The following METTL21A variants were observed in gnomAD, a reference collection of about 807,000 sequenced individuals.
The protein encoded by METTL21A is methyltransferase 21A, HSPA lysine.
A neutral mutation model predicts 20.9 loss-of-function variants in METTL21A; 22 were observed. The observed-to-expected ratio is 1.05, with a 90% CI of 0.75 to 1.50. The LOEUF (loss-of-function observed/expected upper bound fraction) is 1.50, where lower values mean the gene tolerates loss of function less well. Among genes scored for constraint, METTL21A ranks in the 40% most tolerant of loss-of-function variants. The pLI is 0.00. For missense variants in METTL21A, 271 were observed against 266.8 expected (o/e 1.02, Z -0.11); for synonymous variants, 93 against 102.0 (o/e 0.91, Z 0.53).
intron 3 of METTL21A, among the ~76,000 whole-genome samples, chr2:207,614,885 A>C (rs1253536080): frequency 6.6e-6 from 1 of 152,184 alleles, no homozygotes; most frequent in Non-Finnish European, 1.5e-5. Context: ...AATTCTTTCC[A>C]TTTGCATCCT....
At chr2:207,621,996 C>A in intron 2 of METTL21A, 79 bp from the exon 3 acceptor site, 1 of 1,180,106 alleles carries the variant, frequency 8.5e-7, no homozygotes, top group South Asian at 1.2e-5. Flanking sequence ...CAGCTACACC[C>A]ACCCCTCTCC....
intron 3 of METTL21A, among the ~76,000 whole-genome samples, chr2:207,584,893 T>A (rs531586467): frequency 6.6e-6 from 1 of 152,240 alleles, no homozygotes; most frequent in Non-Finnish European, 1.5e-5. Flanking sequence ...TTATCTATCT[T>A]TTGCAGAGCA....
chr2:207,624,561 C>T (rs1215003615), intron 1 of METTL21A, 157 bp from the exon 2 acceptor site: 2 of 573,744 alleles, frequency 3.5e-6, no homozygotes, highest in African/African-American at 3.9e-5. Context: ...ATGGCTCTTC[C>T]GAATCTGAGT....
rs113092593 is a variant in METTL21A, at chr2:207,621,867, G to A, written c.198C>T (p.Gly66=). ...CAGCACCCAGCTCCACGGCAGAGCG[G>A]CCCCTGAGCTCCACAGCTCCCATCT... Residue 66 remains glycine, a synonymous_variant, in exon 3 of 4, where the codon GGC becomes GGT. Coordinates refer to ENST00000406927, the Ensembl canonical transcript of METTL21A. 4.2e-4 allele frequency: 680 copies of A among 1,614,160 alleles called. 2 individuals are homozygous for A. In the African/African-American group the frequency reaches 8.3e-3, roughly 20 times the overall value.
chr2:207,605,804 T>G (rs1464472219), downstream of METTL21A, among the ~76,000 whole-genome samples: 1 of 152,230 alleles, frequency 6.6e-6, no homozygotes, highest in African/African-American at 2.4e-5. Flanking sequence ...AAGTTGTATC[T>G]CCAGGATACT....
Position 207,613,446 on chromosome 2 carries a change from A to T in METTL21A, c.260-3T>A, listed in dbSNP as rs1349624719. ...ATCCGTGATAGTCACATGAGCACCT[A>T]CAATGTGGAACAAAGAAAAAGTGAT... is the stretch of plus-strand genomic sequence containing the variant. On this transcript the variant is annotated splice_polypyrimidine_tract_variant and splice_region_variant and intron_variant, in intron 3 of 3. Transcript: ENST00000406927. 6.4e-7 allele frequency: 1 copy of T among 1,562,998 alleles called. No homozygotes were observed. The highest frequency in any genetic ancestry group is 1.9e-5 in the Admixed American group (1 of 51,644).
exon 2 of METTL21A, chr2:207,624,340 A>C: frequency 4.3e-6 from 7 of 1,613,954 alleles, no homozygotes; most frequent in Non-Finnish European, 5.9e-6. Context: ...TCTGCAACCC[A>C]AATTCCGTGG....
At chr2:207,623,085 G>T (rs1378213671) in intron 2 of METTL21A, among the ~76,000 whole-genome samples, 1 of 152,136 alleles carries the variant, frequency 6.6e-6, no homozygotes, top group South Asian at 2.1e-4. Context: ...TGTATTTTCA[G>T]TAGAGATGGA....
At chr2:207,582,673 T>C (rs1399928831) in intron 3 of METTL21A, among the ~76,000 whole-genome samples, 1 of 152,124 alleles carries the variant, frequency 6.6e-6, no homozygotes, top group Non-Finnish European at 1.5e-5. Context: ...GTTTTTCCAA[T>C]GATCTCTAGT....
chr2:207,587,341 C>G (rs953918705), intron 3 of METTL21A, among the ~76,000 whole-genome samples: 1 of 149,622 alleles, frequency 6.7e-6, no homozygotes, highest in African/African-American at 2.5e-5. Flanking sequence ...TGCAGTGAGC[C>G]GAGATCGCAC....
downstream of METTL21A, among the ~76,000 whole-genome samples, chr2:207,605,341 G>T (rs2087909530): frequency 6.6e-6 from 1 of 152,016 alleles, no homozygotes. Context: ...GTTGTCTTTG[G>T]CCATCTGCGT....
chr2:207,583,033 G>T (rs576859645), intron 3 of METTL21A: 3 of 153,556 alleles, frequency 2.0e-5, no homozygotes, highest in Non-Finnish European at 4.4e-5. Context: ...AAGAAAAAAA[G>T]TAACAATATA....
At chr2:207,621,737 C>T in intron 3 of METTL21A, 69 bp downstream of exon 3, 4 of 1,368,826 alleles carry the variant, frequency 2.9e-6, no homozygotes, top group Admixed American at 1.7e-5. Context: ...AAGGGTTTTG[C>T]GCTAAGAAAA....
chr2:207,615,375 G>A (rs1045875279), intron 3 of METTL21A, among the ~76,000 whole-genome samples: 2 of 151,784 alleles, frequency 1.3e-5, no homozygotes, highest in Admixed American at 6.6e-5. Flanking sequence ...AGGATCACTG[G>A]AGCCCAGGAG....
chr2:207,604,210 A>G (rs1401521776), downstream of METTL21A, among the ~76,000 whole-genome samples: 1 of 152,224 alleles, frequency 6.6e-6, no homozygotes, highest in East Asian at 1.9e-4. Context: ...TGAAGTGACA[A>G]GACCATCCTT....
At chr2:207,595,067 C>T (rs557137237) in intron 3 of METTL21A, among the ~76,000 whole-genome samples, 2 of 148,524 alleles carry the variant, frequency 1.3e-5, no homozygotes, top group East Asian at 4.0e-4. Context: ...GCAATCTCGG[C>T]TTACTGCAAC....
At chr2:207,606,699 AAC>A (rs754829875), downstream of METTL21A, among the ~76,000 whole-genome samples, 2 of 152,178 alleles carry the variant, frequency 1.3e-5, no homozygotes, top group Non-Finnish European at 2.9e-5. Context: ...GTCTAACACT[AAC>A]ACAAATTACA....
intron 3 of METTL21A, among the ~76,000 whole-genome samples, chr2:207,587,774 G>A (rs989330329): frequency 3.3e-5 from 5 of 152,164 alleles, no homozygotes; most frequent in Non-Finnish European, 5.9e-5. Flanking sequence ...GTAAAATTGT[G>A]GGTATTAGAG....
exon 2 of METTL21A, chr2:207,624,230 G>T: frequency 6.3e-7 from 1 of 1,599,066 alleles, no homozygotes; most frequent in Non-Finnish European, 8.5e-7. Flanking sequence ...CTTACTTACC[G>T]CATCCCAAAC....
Sources: allele counts gnomAD v4.1 joint callset (sites outside exome capture counted in the v4.1 genomes callset), GRCh38; gene constraint gnomAD v4.1.1; transcripts MANE v1.5; gene names NCBI Gene and HGNC (gene_info 2026-07-23, HGNC 2026-07-21).